Variants in PTPRT observed in about 807,000 individuals in gnomAD.
PTPRT encodes protein tyrosine phosphatase receptor type T.
Under a neutral mutation model 176.8 loss-of-function variants are expected in PTPRT, and 56 were observed. The ratio of observed to expected loss-of-function variants is 0.32; its 90% CI spans 0.26 to 0.40. The LOEUF (loss-of-function observed/expected upper bound fraction) is 0.40, where lower values mean the gene tolerates loss of function less well. PTPRT is among the 10% of genes least tolerant of loss of function. The pLI is 1.00. For synonymous variants in PTPRT, 783 were observed against 739.0 expected, an observed-to-expected ratio of 1.06 and a Z score of -0.96; for missense variants, 1,540 against 1,908.2, an observed-to-expected ratio of 0.81 and a Z score of 3.60.
At chr20:42,489,490 A>T (rs1601118250) in intron 7 of PTPRT, among the ~76,000 whole-genome samples, 1 of 148,430 alleles carries the variant, frequency 6.7e-6, no homozygotes, top group Non-Finnish European at 1.5e-5. Context: ...CCTCGAGCAT[A>T]CCTAGCCTAT....
At chr20:42,622,102 A>C (rs1288869755) in intron 7 of PTPRT, among the ~76,000 whole-genome samples, 3 of 152,220 alleles carry the variant, frequency 2.0e-5, no homozygotes, top group Non-Finnish European at 4.4e-5. Context: ...ATTAAATTTG[A>C]ATATGCCTCT....
intron 1 of PTPRT, among the ~76,000 whole-genome samples, chr20:43,016,860 T>C (rs1222512337): frequency 2.0e-5 from 3 of 152,052 alleles, no homozygotes; most frequent in African/African-American, 7.2e-5. Flanking sequence ...TCTCCTTTTA[T>C]GTTTCTCTCC....
intron 7 of PTPRT, among the ~76,000 whole-genome samples, chr20:42,600,389 A>T (rs1391548032): frequency 6.6e-6 from 1 of 152,132 alleles, no homozygotes; most frequent in African/African-American, 2.4e-5. Context: ...ATCTGCCTGC[A>T]TTGGCCTCCC....
At chr20:42,637,526 C>T (rs2074632436) in intron 7 of PTPRT, among the ~76,000 whole-genome samples, 4 of 152,204 alleles carry the variant, frequency 2.6e-5, no homozygotes, top group African/African-American at 9.7e-5. Context: ...TGCTATCTCA[C>T]TTCATTCAGT....
rs147286001 is a variant in PTPRT at position 42,543,513 on chromosome 20, T to C, written c.1154-70951A>G. Reference sequence around the variant, plus strand: ...ACCACATGTGGAACGACTTCTTCCATTGAAGTCTTGAACCCCTCGAAGTCA... The same window carrying C: ...ACCACATGTGGAACGACTTCTTCCACTGAAGTCTTGAACCCCTCGAAGTCA... On this transcript the variant is annotated intron_variant, in intron 7 of 30. Transcript: ENST00000373187. Among the ~76,000 whole-genome samples, 603 of 152,238 alleles carry C rather than the reference T, an allele frequency of 4.0e-3. 1 individual carries two copies. The highest frequency in any genetic ancestry group is 0.01 in the Middle Eastern group (3 of 292).
chr20:42,631,067 T>G (rs926527829), intron 7 of PTPRT, among the ~76,000 whole-genome samples: 5 of 152,052 alleles, frequency 3.3e-5, no homozygotes, highest in African/African-American at 4.8e-5. Context: ...GTGAACAAAC[T>G]CTCAGATATA....
chr20:43,109,461 C>CT (rs1349808754), intron 1 of PTPRT, among the ~76,000 whole-genome samples: 1 of 152,144 alleles, frequency 6.6e-6, no homozygotes, highest in Non-Finnish European at 1.5e-5. Context: ...TGAGACCTGA[C>CT]TTCACTTCCA....
chr20:42,806,646 A>G (rs1218151209), intron 2 of PTPRT, among the ~76,000 whole-genome samples: 2 of 152,174 alleles, frequency 1.3e-5, no homozygotes, highest in Non-Finnish European at 2.9e-5. Flanking sequence ...TTTGTTAACA[A>G]CTACTCAATT....
intron 6 of PTPRT, among the ~76,000 whole-genome samples, chr20:42,728,148 A>G (rs934078548): frequency 6.6e-6 from 1 of 152,194 alleles, no homozygotes; most frequent in Non-Finnish European, 1.5e-5. Flanking sequence ...ACCATGCATC[A>G]GTATTTGGGC....
intron 7 of PTPRT, among the ~76,000 whole-genome samples, chr20:42,618,972 A>G (rs1334932853): frequency 6.6e-6 from 1 of 151,430 alleles, no homozygotes; most frequent in African/African-American, 2.4e-5. Flanking sequence ...TGTGAATTTG[A>G]TCCTGTCATT....
At chr20:42,204,392 A>C (rs561440336) in intron 15 of PTPRT, among the ~76,000 whole-genome samples, 35 of 152,228 alleles carry the variant, frequency 2.3e-4, no homozygotes, top group South Asian at 4.1e-4. Flanking sequence ...AGTACTTATG[A>C]CTTTCTGAAC....
chr20:42,347,532 C>A (rs1445688191), intron 11 of PTPRT, among the ~76,000 whole-genome samples: 3 of 152,192 alleles, frequency 2.0e-5, no homozygotes, highest in Admixed American at 2.0e-4. Flanking sequence ...AAGCCGAGCA[C>A]ACCAGATGCA....
At chr20:42,384,579 A>G (rs771319763) in intron 9 of PTPRT, among the ~76,000 whole-genome samples, 18 of 152,184 alleles carry the variant, frequency 1.2e-4, no homozygotes, top group Non-Finnish European at 2.4e-4. Context: ...GGGAATGCAG[A>G]TATCTCTTTG....
At chr20:43,161,338 C>T (rs1488264633) in intron 1 of PTPRT, among the ~76,000 whole-genome samples, 2 of 151,926 alleles carry the variant, frequency 1.3e-5, no homozygotes, top group African/African-American at 4.8e-5. Context: ...AAGAACACAA[C>T]AAATGACATG....
intron 9 of PTPRT, 70 bp from the exon 10 acceptor site, chr20:42,352,355 A>C: frequency 6.5e-7 from 1 of 1,528,330 alleles, no homozygotes; most frequent in Non-Finnish European, 9.0e-7. Flanking sequence ...GAGCTCCTTT[A>C]GAGGAACCTT....
At chr20:42,972,555 C>CAG (rs200195147) in intron 1 of PTPRT, among the ~76,000 whole-genome samples, 1,962 of 151,338 alleles carry the variant, frequency 0.013, 34 homozygotes, top group African/African-American at 0.046. Context: ...CCCAGCTACT[C>CAG]AGGAGGCTGA....
intron 1 of PTPRT, among the ~76,000 whole-genome samples, chr20:43,048,868 G>A (rs1986940211): frequency 6.6e-6 from 1 of 152,132 alleles, no homozygotes; most frequent in African/African-American, 2.4e-5. Flanking sequence ...CAGTCTTCCT[G>A]CAAGTGACCC....
chr20:42,255,946 T>C (rs971262482), intron 13 of PTPRT, among the ~76,000 whole-genome samples: 1 of 152,200 alleles, frequency 6.6e-6, no homozygotes, highest in Admixed American at 6.5e-5. Flanking sequence ...ATCCCCAGTG[T>C]GGCTTATCAG....
intron 1 of PTPRT, among the ~76,000 whole-genome samples, chr20:43,070,104 A>G (rs755322980): frequency 4.0e-5 from 6 of 151,560 alleles, no homozygotes; most frequent in Non-Finnish European, 8.8e-5. Context: ...TTTGTGGGTT[A>G]TTTTTTTTTA....
Sources: allele counts gnomAD v4.1 joint callset (sites outside exome capture counted in the v4.1 genomes callset), GRCh38; gene constraint gnomAD v4.1.1; transcripts MANE v1.5; gene names NCBI Gene and HGNC (gene_info 2026-07-23, HGNC 2026-07-21).